Variants in NF1 observed in about 807,000 individuals in gnomAD.
NF1 encodes the protein neurofibromin 1.
In NF1, 122 loss-of-function variants were observed where a neutral mutation model predicts 325.7. That is an observed-to-expected ratio of 0.37 (90% CI 0.32 to 0.44). The LOEUF is 0.44. Among genes scored for constraint, NF1 ranks in the 20% least tolerant of loss-of-function variants. NF1 has a pLI of 1.00. For synonymous variants in NF1, 1,091 were observed against 1,186.0 expected (o/e 0.92, Z 1.65); for missense variants, 2,140 against 3,415.4 (o/e 0.63, Z 9.31).
At chr17:31,099,796 G>A (rs143904420) in intron 1 of NF1, among the ~76,000 whole-genome samples, 11 of 151,898 alleles carry the variant, frequency 7.2e-5, no homozygotes, top group African/African-American at 1.9e-4. Context: ...CCTGGCTTCA[G>A]GTGATCCACC....
intron 1 of NF1, among the ~76,000 whole-genome samples, chr17:31,113,895 C>T (rs953086776): frequency 7.9e-5 from 12 of 152,180 alleles, no homozygotes; most frequent in Non-Finnish European, 1.8e-4. Context: ...ATGAGGATGT[C>T]CTTACCCTCT....
chr17:31,313,961 G>A lies in NF1; in HGVS notation c.4836-11859G>A, dbSNP rs1167094692. 1.8e-5 allele frequency: 7 copies of A among 397,778 alleles called. No homozygotes were observed. The Admixed American group carries it at 3.1e-4, about 18-fold the overall frequency. 24.6% of individuals were successfully genotyped at this position (397,778 alleles called of 1,614,324 possible). On this transcript the variant is annotated intron_variant, in intron 36 of 57. Transcript: ENST00000358273. The stretch of plus-strand genomic sequence containing the variant: ...ATATAAAGCAAGATCAAACCAAATT[G>A]TGTGAAAATTTTCTTACCTCAGCTG...
chr17:31,151,033 T>C (rs528953149), intron 1 of NF1, among the ~76,000 whole-genome samples: 2 of 92,248 alleles, frequency 2.2e-5, no homozygotes, highest in Non-Finnish European at 5.8e-5. Context: ...AGGCTCTGTC[T>C]CAAAAAAAAA....
At chr17:31,117,005 A>G (rs1452064204) in intron 1 of NF1, among the ~76,000 whole-genome samples, 1 of 144,622 alleles carries the variant, frequency 6.9e-6, no homozygotes, top group Non-Finnish European at 1.5e-5. Flanking sequence ...ATTTTTTGAG[A>G]TGGAGTCTCA....
At chr17:31,109,462 C>T (rs1218222118) in intron 1 of NF1, among the ~76,000 whole-genome samples, 1 of 151,888 alleles carries the variant, frequency 6.6e-6, no homozygotes, top group African/African-American at 2.4e-5. Flanking sequence ...CGGCTCACTG[C>T]AACCTCCGCC....
At chr17:31,160,603 A>C (rs1163450533) in intron 3 of NF1, among the ~76,000 whole-genome samples, 1 of 152,176 alleles carries the variant, frequency 6.6e-6, no homozygotes, top group Non-Finnish European at 1.5e-5. Context: ...AAGATGGGCA[A>C]ATTTTAAACT....
At chr17:31,285,877 C>T (rs368638917) in intron 36 of NF1, among the ~76,000 whole-genome samples, 1 of 152,056 alleles carries the variant, frequency 6.6e-6, no homozygotes, top group African/African-American at 2.4e-5. Context: ...AAGGAACAGC[C>T]CCAGAGTTGT....
intron 12 of NF1, among the ~76,000 whole-genome samples, chr17:31,213,431 T>C (rs2066764322): frequency 2.0e-5 from 3 of 152,204 alleles, no homozygotes; most frequent in Admixed American, 2.0e-4. Flanking sequence ...ATAGTTCATT[T>C]GTGTTGTAGA....
intron 8 of NF1, among the ~76,000 whole-genome samples, chr17:31,193,865 A>G (rs1306063605): frequency 6.6e-6 from 1 of 152,216 alleles, no homozygotes; most frequent in East Asian, 1.9e-4. Flanking sequence ...TAGAATGGCT[A>G]CTATCAAAAA....
At chr17:31,188,227 C>A (rs1027817209) in intron 8 of NF1, among the ~76,000 whole-genome samples, 1 of 152,178 alleles carries the variant, frequency 6.6e-6, no homozygotes, top group Non-Finnish European at 1.5e-5. Flanking sequence ...AGGTAGTCAT[C>A]AATACCAGCT....
chr17:31,136,175 A>C (rs994953699), intron 1 of NF1: 1 of 152,026 alleles, frequency 6.6e-6, no homozygotes, highest in African/African-American at 2.4e-5. Context: ...CTAAAAATAC[A>C]AAAAATAGCC....
intron 15 of NF1, 122 bp from the exon 16 acceptor site, chr17:31,223,322 A>G (rs1417604568): frequency 1.5e-5 from 18 of 1,179,278 alleles, no homozygotes; most frequent in Non-Finnish European, 2.2e-5. Flanking sequence ...CTAAAACCTT[A>G]CAAGAAAAAC....
chr17:31,208,550 C>T (rs923392182), intron 12 of NF1, among the ~76,000 whole-genome samples: 10 of 151,900 alleles, frequency 6.6e-5, no homozygotes, highest in East Asian at 3.9e-4. Flanking sequence ...TTCCCCTCAC[C>T]GAGATTCCAA....
chr17:31,335,677 C>T (rs2069648331), intron 40 of NF1, among the ~76,000 whole-genome samples: 1 of 151,038 alleles, frequency 6.6e-6, no homozygotes, highest in Non-Finnish European at 1.5e-5. Context: ...AATGTCATTT[C>T]CTATATTTTA....
chr17:31,204,440 G>A (rs1409097995), intron 11 of NF1, among the ~76,000 whole-genome samples: 1 of 152,070 alleles, frequency 6.6e-6, no homozygotes, highest in African/African-American at 2.4e-5. Flanking sequence ...GAAAAAAAGA[G>A]TAAGTCTACT....
At chr17:31,254,125 A>G (rs541955151) in intron 31 of NF1, 2 of 149,798 alleles carry the variant, frequency 1.3e-5, no homozygotes, top group South Asian at 2.1e-4. Flanking sequence ...TTTTTTAATT[A>G]GCCAGGCGTG....
chr17:31,325,404 A>G (rs1480426924), intron 36 of NF1, among the ~76,000 whole-genome samples: 2 of 152,208 alleles, frequency 1.3e-5, no homozygotes, highest in Admixed American at 6.5e-5. Context: ...TGGTTTGAAT[A>G]ATGTGTTCAT....
intron 1 of NF1, among the ~76,000 whole-genome samples, chr17:31,126,191 A>G (rs1889292240): frequency 6.6e-6 from 1 of 152,072 alleles, no homozygotes; most frequent in Non-Finnish European, 1.5e-5. Context: ...TTCGTCTAAA[A>G]AAAAAGAAAA....
intron 36 of NF1, among the ~76,000 whole-genome samples, chr17:31,281,164 A>G (rs1333448753): frequency 6.6e-6 from 1 of 152,210 alleles, no homozygotes; most frequent in Non-Finnish European, 1.5e-5. Flanking sequence ...ATCGAAAGTC[A>G]TTTTGGTAAG....
Sources: gnomAD v4.1 joint callset for allele counts (sites outside exome capture counted in the v4.1 genomes callset) on GRCh38, gnomAD v4.1.1 for gene constraint, MANE v1.5 for transcripts, NCBI Gene and HGNC (gene_info 2026-07-23, HGNC 2026-07-21) for gene names.